Variants in DDX10 observed in about 807,000 individuals in gnomAD.
DDX10 encodes the protein DEAD-box helicase 10, also known as probable ATP-dependent RNA helicase DDX10.
A neutral mutation model predicts 104.3 loss-of-function variants in DDX10; 74 were observed. The observed-to-expected ratio is 0.71, with a 90% CI of 0.59 to 0.86. DDX10 has a LOEUF of 0.86. Among genes scored for constraint, DDX10 ranks in the 40% least tolerant of loss-of-function variants. DDX10 has a pLI of 0.00. For missense variants in DDX10, 952 were observed against 1,040.0 expected (o/e 0.92, Z 1.16); for synonymous variants, 351 against 353.4 (o/e 0.99, Z 0.08).
chr11:108,745,974 G>A (rs1181375008), intron 13 of DDX10, among the ~76,000 whole-genome samples: 1 of 151,972 alleles, frequency 6.6e-6, no homozygotes, highest in Non-Finnish European at 1.5e-5. Flanking sequence ...TTTGTAGTAT[G>A]TTCACAAACT....
rs774518374 is a variant in DDX10, at chr11:108,715,880, A to G, written c.1324A>G (p.Ile442Val). 1 of 1,458,508 alleles carries G rather than the reference A, an allele frequency of 6.9e-7. No homozygotes were observed. The highest frequency in any genetic ancestry group is 9.6e-7 in the Non-Finnish European group (1 of 1,046,708). 90.3% of individuals were successfully genotyped at this position (1,458,508 alleles called of 1,614,324 possible). ...QKKVPVKEIKINPEKLIDVQK... is the reference protein window; with the variant it reads ...QKKVPVKEIKVNPEKLIDVQK... Reference sequence around the variant, plus strand: ...AACCTTTATCTTTTTGTTACAAAGAATCAATCCAGAAAAACTTATAGATGT... The same window carrying G: ...AACCTTTATCTTTTTGTTACAAAGAGTCAATCCAGAAAAACTTATAGATGT... Residue 442 changes from isoleucine to valine, a missense_variant and splice_region_variant, in exon 11 of 18, where the codon ATC becomes GTC. Coordinates refer to ENST00000322536, the MANE Select transcript of DDX10 (RefSeq NM_004398.4).
chr11:108,843,620 G>A (rs1347290709), intron 15 of DDX10, among the ~76,000 whole-genome samples: 3 of 151,938 alleles, frequency 2.0e-5, no homozygotes, highest in Non-Finnish European at 2.9e-5. Flanking sequence ...GCTGTGCATG[G>A]TGGCACACAC....
chr11:108,715,471 C>T (rs1428900815), intron 10 of DDX10, among the ~76,000 whole-genome samples: 1 of 152,192 alleles, frequency 6.6e-6, no homozygotes, highest in Non-Finnish European at 1.5e-5. Flanking sequence ...TTACAGTGAG[C>T]TATGATTGCA....
At chr11:108,878,101 A>G (rs1037637138) in intron 16 of DDX10, among the ~76,000 whole-genome samples, 3 of 152,244 alleles carry the variant, frequency 2.0e-5, no homozygotes, top group Non-Finnish European at 4.4e-5. Context: ...AAAATACCAA[A>G]TTTGACTGTC....
chr11:108,800,275 CAAAAAAAAAAAA>C (rs5794604), intron 13 of DDX10, among the ~76,000 whole-genome samples: 159 of 106,218 alleles, frequency 1.5e-3, no homozygotes, highest in Admixed American at 3.3e-3. Context: ...ACTAAAAATA[CAAAAAAAAAAAA>C]AAAAAAAATT....
intron 13 of DDX10, among the ~76,000 whole-genome samples, chr11:108,832,524 A>G (rs1037371349): frequency 9.2e-5 from 14 of 152,214 alleles, no homozygotes; most frequent in African/African-American, 3.4e-4. Context: ...AGATAATACA[A>G]ATGGTGCATA....
chr11:108,679,551 C>T lies in DDX10; in HGVS notation c.839C>T (p.Ala280Val). 1 of 1,600,014 alleles carries T rather than the reference C, an allele frequency of 6.2e-7. No individual in the cohort carries two copies. The highest frequency in any genetic ancestry group is 8.5e-7 in the Non-Finnish European group (1 of 1,175,454). Residue 280 changes from alanine to valine, a missense_variant, in exon 6 of 18, where the codon GCA becomes GTA. Transcript: ENST00000322536. The stretch of plus-strand genomic sequence containing the variant: ...GAGTATGTCTGGGTTCATGAAAAAG[C>T]AAAATATAGGTATGTACTCTTTGAG... ...NPEYVWVHEK[A>V]KYSTPATLEQ...
chr11:108,763,731 A>T, intron 13 of DDX10, among the ~76,000 whole-genome samples: 1 of 152,190 alleles, frequency 6.6e-6, no homozygotes, highest in East Asian at 1.9e-4. Flanking sequence ...TGCTATTTTA[A>T]TTGGGGATTA....
intron 12 of DDX10, among the ~76,000 whole-genome samples, chr11:108,720,726 G>A (rs1225198138): frequency 4.6e-5 from 7 of 151,984 alleles, no homozygotes; most frequent in Non-Finnish European, 1.0e-4. Flanking sequence ...GAGTAGCTGG[G>A]ACTACAGGTG....
intron 16 of DDX10, among the ~76,000 whole-genome samples, chr11:108,881,002 T>C (rs140290705): frequency 1.8e-3 from 272 of 152,372 alleles, no homozygotes; most frequent in Non-Finnish European, 3.2e-3. Flanking sequence ...CAGACTCTTA[T>C]GCATCTTTTT....
intron 3 of DDX10, among the ~76,000 whole-genome samples, chr11:108,676,567 C>T (rs1453493862): frequency 6.6e-6 from 1 of 152,148 alleles, no homozygotes; most frequent in Non-Finnish European, 1.5e-5. Context: ...CTGCCTCAGC[C>T]TCCCAAGTAG....
At chr11:108,737,206 T>C (rs1034309945) in intron 13 of DDX10, among the ~76,000 whole-genome samples, 5 of 152,228 alleles carry the variant, frequency 3.3e-5, no homozygotes, top group African/African-American at 9.6e-5. Flanking sequence ...ACATCTATGA[T>C]TTTTGTTTTA....
intron 13 of DDX10, among the ~76,000 whole-genome samples, chr11:108,746,375 T>A (rs1246984263): frequency 1.3e-5 from 2 of 152,122 alleles, no homozygotes; most frequent in African/African-American, 2.4e-5. Context: ...ATATCAGTAT[T>A]GCATTTCTTT....
chr11:108,939,315 A>G (rs572286808), intron 17 of DDX10, among the ~76,000 whole-genome samples: 3 of 152,286 alleles, frequency 2.0e-5, no homozygotes, highest in Admixed American at 6.5e-5. Context: ...TTTGAATCCC[A>G]TGGGTGTAAT....
At chr11:108,692,179 G>A (rs2094253618) in intron 8 of DDX10, 141 bp downstream of exon 8, 2 of 708,740 alleles carry the variant, frequency 2.8e-6, no homozygotes, top group South Asian at 2.4e-5. Context: ...TAGTAAATTG[G>A]TAGCAGTTGA....
chr11:108,682,261 T>G (rs903234265), intron 6 of DDX10, among the ~76,000 whole-genome samples: 2 of 152,050 alleles, frequency 1.3e-5, no homozygotes, highest in Admixed American at 6.6e-5. Context: ...CCCACCACCA[T>G]GCCCACCTAA....
At chr11:108,804,984 T>A (rs900302071) in intron 13 of DDX10, among the ~76,000 whole-genome samples, 1 of 152,168 alleles carries the variant, frequency 6.6e-6, no homozygotes, top group African/African-American at 2.4e-5. Flanking sequence ...AAAATAGTTA[T>A]AAGTGCTGCC....
At chr11:108,759,050 A>G (rs2094347704) in intron 13 of DDX10, among the ~76,000 whole-genome samples, 1 of 151,968 alleles carries the variant, frequency 6.6e-6, no homozygotes, top group African/African-American at 2.4e-5. Flanking sequence ...TGAAAATACC[A>G]CCTATAGTAG....
chr11:108,935,700 A>G (rs983567917), intron 17 of DDX10, among the ~76,000 whole-genome samples: 1 of 152,188 alleles, frequency 6.6e-6, no homozygotes, highest in Non-Finnish European at 1.5e-5. Flanking sequence ...AGGTTTCTCC[A>G]TATGATCCAT....
Sources: gnomAD v4.1 joint callset for allele counts (sites outside exome capture counted in the v4.1 genomes callset) on GRCh38, gnomAD v4.1.1 for gene constraint, MANE v1.5 for transcripts, NCBI Gene and HGNC (gene_info 2026-07-23, HGNC 2026-07-21) for gene names.